The following BTNL8 variants were observed in gnomAD, a reference collection of about 807,000 sequenced individuals.
The protein encoded by BTNL8 is butyrophilin-like protein 8.
BTNL8 carries 22 observed loss-of-function variants against 36.1 expected under a neutral mutation model. That is an observed-to-expected ratio of 0.61 (90% CI 0.44 to 0.87). BTNL8 has a LOEUF of 0.87. BTNL8 is among the 40% of genes least tolerant of loss of function. The pLI is 0.00. For synonymous variants in BTNL8, 203 were observed against 235.6 expected, an observed-to-expected ratio of 0.86 and a Z score of 1.27; for missense variants, 526 against 616.9, an observed-to-expected ratio of 0.85 and a Z score of 1.56.
At chr5:180,900,953 C>T (rs1019189503) in intron 1 of BTNL8, among the ~76,000 whole-genome samples, 1 of 152,160 alleles carries the variant, frequency 6.6e-6, no homozygotes, top group African/African-American at 2.4e-5. Context: ...AAGTAGGTTC[C>T]AAGGGTGGCA....
chr5:180,908,205 A>G lies in BTNL8; in HGVS notation c.50-381A>G, dbSNP rs867383696. On this transcript the variant is annotated intron_variant, in intron 1 of 7. Coordinates refer to ENST00000340184, the MANE Select transcript of BTNL8 (RefSeq NM_001040462.3). The stretch of plus-strand genomic sequence containing the variant: ...CCCTCTGAGCCAGGTGTGGGATATA[A>G]TCTCGTGGTGCGCCGTTTCTTAAGC... Among the ~76,000 whole-genome samples, 6 of 152,104 alleles carry G rather than the reference A, an allele frequency of 3.9e-5. No individual in the cohort carries two copies. The South Asian group carries it at 6.2e-4, about 16-fold the overall frequency.
At chr5:180,941,098 G>A (rs76150665) in intron 3 of BTNL8, among the ~76,000 whole-genome samples, 3,989 of 85,214 alleles carry the variant, frequency 0.047, 144 homozygotes, top group African/African-American at 0.12. Flanking sequence ...GGGAGGGAGG[G>A]AGGAAGGAAG....
At chr5:180,901,607 T>G (rs1207515826) in intron 1 of BTNL8, among the ~76,000 whole-genome samples, 1 of 152,032 alleles carries the variant, frequency 6.6e-6, no homozygotes, top group Non-Finnish European at 1.5e-5. Flanking sequence ...AGCAAGAAAA[T>G]CAGGCCCTGT....
chr5:180,933,351 G>A (rs865968313), intron 3 of BTNL8, among the ~76,000 whole-genome samples: 2 of 152,090 alleles, frequency 1.3e-5, no homozygotes, highest in Admixed American at 6.6e-5. Context: ...CACCAGTAGA[G>A]CACACATTCT....
chr5:180,905,953 A>G (rs550412810), intron 1 of BTNL8, among the ~76,000 whole-genome samples: 5 of 136,866 alleles, frequency 3.7e-5, no homozygotes, highest in East Asian at 2.1e-4. Flanking sequence ...TATGTGGTCA[A>G]TTTTGTAACA....
chr5:180,907,303 A>C (rs2113771828), intron 1 of BTNL8, among the ~76,000 whole-genome samples: 1 of 121,370 alleles, frequency 8.2e-6, no homozygotes, highest in Non-Finnish European at 1.6e-5. Context: ...CCTTTCTTCC[A>C]GTTGATCGCA....
chr5:180,931,765 C>G (rs561178306), intron 3 of BTNL8, among the ~76,000 whole-genome samples: 2 of 152,314 alleles, frequency 1.3e-5, no homozygotes, highest in South Asian at 4.1e-4. Context: ...GAGATACCAT[C>G]TTGTGCCAGT....
intron 2 of BTNL8, among the ~76,000 whole-genome samples, chr5:180,909,177 C>T (rs1346554975): frequency 6.6e-6 from 1 of 152,132 alleles, no homozygotes; most frequent in Non-Finnish European, 1.5e-5. Context: ...CCCTCTGTCA[C>T]CCCTTCATGG....
chr5:180,911,322 C>T lies in BTNL8; in HGVS notation c.398-17C>T. 6.2e-7 allele frequency: 1 copy of T among 1,612,598 alleles called. No individual in the cohort carries two copies. Among genetic ancestry groups the T allele is most frequent in the South Asian group, 1.1e-5 (1 of 90,932 alleles). On this transcript the variant is annotated splice_polypyrimidine_tract_variant and intron_variant, in intron 2 of 7. Coordinates refer to ENST00000340184, the MANE Select transcript of BTNL8 (RefSeq NM_001040462.3). ...GATGTGATCTTTGCTTTCAACCGTTCCCTGTTTTCTCCCCAGCACTGGGCT... is the reference window on the plus strand; with the variant it reads ...GATGTGATCTTTGCTTTCAACCGTTTCCTGTTTTCTCCCCAGCACTGGGCT...
chr5:180,899,315 C>A lies in BTNL8; in HGVS notation c.5C>A (p.Ala2Asp), dbSNP rs752982729. The A allele has an allele frequency of 6.2e-7, 1 of 1,614,186 alleles. No homozygotes were observed. The highest frequency in any genetic ancestry group is 2.2e-5 in the East Asian group (1 of 44,890). Residue 2 changes from alanine (A) to aspartate (D), a missense_variant, in exon 1 of 8, where the codon GCT (alanine) becomes GAT (aspartate). Physicochemically the swap from Ala to Asp is moderately radical, Grantham distance 126 (BLOSUM62 -2). Coordinates refer to ENST00000340184, the MANE Select transcript of BTNL8 (RefSeq NM_001040462.3). The stretch of plus-strand genomic sequence containing the variant: ...GTCCATTCACAGAACACATCCATGG[C>A]TCTCATGCTCAGTTTGGTTCTGAGT... MALMLSLVLSLL... is the reference protein window; with the variant it reads MDLMLSLVLSLL...
chr5:180,950,599 C>A lies in BTNL8; in HGVS notation c.*55C>A, dbSNP rs1582073929. 14 of 1,430,802 alleles carry A rather than the reference C, an allele frequency of 9.8e-6. 1 individual carries two copies. The South Asian group carries it at 1.6e-4, about 16-fold the overall frequency. 88.6% of individuals were successfully genotyped at this position (1,430,802 alleles called of 1,614,324 possible). On this transcript the variant is annotated 3_prime_UTR_variant, in exon 8 of 8. Transcript: ENST00000340184. ...GGATATTAAGGTCTCTCTCCCAGAT[C>A]CAAAGTCCCGCAGCAGCCGGCCAAG...
In BTNL8 at chr5:180,905,490, T is replaced by A. The variant is rs1485037925; in HGVS notation, c.50-3096T>A. On this transcript the variant is annotated intron_variant, in intron 1 of 7. Transcript: ENST00000340184. ...TTCAAAAAACCAGCTCCTGGATTCA[T>A]TAATTTTTTGAAGGGTTTTTTGTGT... is the stretch of plus-strand genomic sequence containing the variant. Among the ~76,000 whole-genome samples the A allele has an allele frequency of 5.1e-5, 5 of 97,506 alleles. No individual in the cohort carries two copies. The South Asian group carries it at 1.5e-3, about 29-fold the overall frequency. 64.0% of individuals were successfully genotyped at this position (97,506 alleles called of 152,430 possible). A position where few individuals can be genotyped will look rare whatever the true frequency, so the allele number is the denominator to read the frequency against.
rs1397237049 is a variant in BTNL8, at chr5:180,911,429, C to T, written c.488C>T (p.Pro163Leu). Reference sequence around the variant, plus strand: ...CAGTCCTCGGGCTGGTTCCCCCGGCCCACAGCGAAGTGGAAAGGTCCACAA... The same window carrying T: ...CAGTCCTCGGGCTGGTTCCCCCGGCTCACAGCGAAGTGGAAAGGTCCACAA... ...LCQSSGWFPR[P>L]TAKWKGPQGQ... The change falls in exon 3 of 8, where the codon CCC becomes CTC. Residue 163 changes from proline (P) to leucine (L), a missense_variant. Pro to Leu is a moderately conservative substitution (Grantham distance 98, BLOSUM62 -3). Coordinates refer to ENST00000340184, the MANE Select transcript of BTNL8 (RefSeq NM_001040462.3). 1 of 1,614,196 alleles carries T rather than the reference C, an allele frequency of 6.2e-7. No homozygotes were observed. Among genetic ancestry groups the T allele is most frequent in the Admixed American group, 1.7e-5 (1 of 60,010 alleles).
intron 3 of BTNL8, among the ~76,000 whole-genome samples, chr5:180,919,890 C>T (rs899385598): frequency 3.3e-5 from 5 of 152,104 alleles, no homozygotes; most frequent in African/African-American, 7.2e-5. Context: ...TGGACTATAA[C>T]ACAAATAAAT....
At chr5:180,927,818 G>T (rs2113822140) in intron 3 of BTNL8, among the ~76,000 whole-genome samples, 1 of 152,272 alleles carries the variant, frequency 6.6e-6, no homozygotes, top group African/African-American at 2.4e-5. Flanking sequence ...ATGCCTCCAA[G>T]AAATATGGGA....
chr5:180,911,025 G>A (rs1333581021), intron 2 of BTNL8, among the ~76,000 whole-genome samples: 1 of 152,162 alleles, frequency 6.6e-6, no homozygotes, highest in Non-Finnish European at 1.5e-5. Context: ...TCGTTCCTTT[G>A]GTCTGTTACT....
Position 180,927,101 on chromosome 5 carries a change from CT to C in BTNL8, c.673+15488del, listed in dbSNP as rs536168728. ...CGGCTGGCATATGGTGGATGCCCCC[CT>C]GGGACGAACCTTACAGAGGAAGGAG... is the stretch of plus-strand genomic sequence containing the variant. On this transcript the variant is annotated intron_variant, in intron 3 of 7. Coordinates refer to ENST00000340184, the MANE Select transcript of BTNL8 (RefSeq NM_001040462.3). 1.1e-4 allele frequency among the ~76,000 whole-genome samples: 16 copies of C among 152,294 alleles called. No individual in the cohort carries two copies. The South Asian group carries it at 3.1e-3, about 30-fold the overall frequency.
At chr5:180,908,385 C>T (rs1214434864) in intron 1 of BTNL8, among the ~76,000 whole-genome samples, 1 of 152,172 alleles carries the variant, frequency 6.6e-6, no homozygotes, top group East Asian at 1.9e-4. Context: ...ACGGTGCGCG[C>T]ACCCACTGAC....
intron 3 of BTNL8, among the ~76,000 whole-genome samples, chr5:180,942,346 T>C (rs763347112): frequency 3.3e-5 from 5 of 152,128 alleles, no homozygotes; most frequent in Non-Finnish European, 4.4e-5. Flanking sequence ...GAATTAAGAT[T>C]GGTAAAATGA....
Sources: allele counts gnomAD v4.1 joint callset (sites outside exome capture counted in the v4.1 genomes callset), GRCh38; gene constraint gnomAD v4.1.1; transcripts MANE v1.5; gene names NCBI Gene and HGNC (gene_info 2026-07-23, HGNC 2026-07-21).